Variants in PLCG2 observed in about 807,000 individuals in gnomAD.
The protein encoded by PLCG2 is 1-phosphatidylinositol 4,5-bisphosphate phosphodiesterase gamma-2.
In PLCG2, 69 loss-of-function variants were observed where a neutral mutation model predicts 175.6. The ratio of observed to expected loss-of-function variants is 0.39; its 90% CI spans 0.32 to 0.48. The LOEUF is 0.48. Among genes scored for constraint, PLCG2 ranks in the 20% least tolerant of loss-of-function variants. The pLI is 0.91. For missense variants in PLCG2, 1,798 were observed against 1,650.9 expected (o/e 1.09, Z -1.54); for synonymous variants, 827 against 624.0 (o/e 1.33, Z -4.85).
chr16:81,896,077 A>G (rs1234250207), intron 13 of PLCG2, 150 bp downstream of exon 13: 2 of 1,000,158 alleles, frequency 2.0e-6, no homozygotes, highest in African/African-American at 3.2e-5. Context: ...CACTGCCATC[A>G]AGTTCTCACC....
chr16:81,898,908 G>T (rs1417017118), intron 13 of PLCG2, among the ~76,000 whole-genome samples: 2 of 152,142 alleles, frequency 1.3e-5, no homozygotes, highest in African/African-American at 2.4e-5. Context: ...ATATAGGCTG[G>T]GCACAGTGGC....
rs12325308 is a variant in PLCG2, at chr16:81,927,054, C to T, written c.2418-28C>T. On this transcript the variant is annotated intron_variant, in intron 22 of 32. Transcript: ENST00000564138. The stretch of plus-strand genomic sequence containing the variant: ...GGTAATTCATGCCACCTGGTGACAG[C>T]GCCCCCATGTCCTCTCTTCTTATCC... 0.01 allele frequency: 14,859 copies of T among 1,462,366 alleles called. 1,243 individuals are homozygous for T. The African/African-American group carries it at 0.18, about 18-fold the overall frequency. The allele number at this position is 1,462,366 out of a possible 1,614,324, so 90.6% of individuals were successfully genotyped here.
chr16:81,780,332 C>T (rs765102329), intron 1 of PLCG2, among the ~76,000 whole-genome samples: 2 of 152,168 alleles, frequency 1.3e-5, no homozygotes, highest in Non-Finnish European at 2.9e-5. Context: ...AGAATTGGGG[C>T]TTATTGCTGT....
At chr16:81,749,707 G>C (rs1201557665) in intron 1 of PLCG2, among the ~76,000 whole-genome samples, 1 of 152,178 alleles carries the variant, frequency 6.6e-6, no homozygotes, top group African/African-American at 2.4e-5. Flanking sequence ...AAGCAATGAA[G>C]TATTTGGAGG....
chr16:81,767,136 G>GGTT (rs1273877041), intron 2 of PLCG2, among the ~76,000 whole-genome samples: 11 of 71,726 alleles, frequency 1.5e-4, no homozygotes, highest in African/African-American at 5.9e-4. Flanking sequence ...TAAACTCGTG[G>GGTT]TTTTTTTTTT....
At chr16:81,857,210 G>T (rs772627595) in intron 3 of PLCG2, among the ~76,000 whole-genome samples, 3 of 152,136 alleles carry the variant, frequency 2.0e-5, no homozygotes, top group Non-Finnish European at 4.4e-5. Context: ...CTCTCTTCTG[G>T]TTTAATTACT....
At chr16:81,864,760 G>A (rs117963709) in intron 5 of PLCG2, among the ~76,000 whole-genome samples, 2,623 of 152,236 alleles carry the variant, frequency 0.017, 156 homozygotes, top group East Asian at 0.16. Context: ...AAGTGTCACG[G>A]GGCTGCCATC....
chr16:81,853,592 C>T (rs1442958212), intron 2 of PLCG2, among the ~76,000 whole-genome samples: 2 of 152,174 alleles, frequency 1.3e-5, no homozygotes, highest in African/African-American at 2.4e-5. Context: ...AGGGTTTGCG[C>T]CCCTATGAGA....
chr16:81,825,487 G>T (rs1905010187), intron 2 of PLCG2, among the ~76,000 whole-genome samples: 1 of 151,892 alleles, frequency 6.6e-6, no homozygotes, highest in Non-Finnish European at 1.5e-5. Context: ...TAGAGACAGG[G>T]TTTCACCATG....
chr16:81,802,566 C>A (rs539382875), intron 2 of PLCG2, among the ~76,000 whole-genome samples: 8 of 151,988 alleles, frequency 5.3e-5, no homozygotes, highest in Non-Finnish European at 7.4e-5. Context: ...TGTTTTCTTT[C>A]TTTTTTTGTT....
intron 31 of PLCG2, among the ~76,000 whole-genome samples, chr16:81,949,151 G>A (rs990590664): frequency 6.6e-6 from 1 of 152,172 alleles, no homozygotes; most frequent in Non-Finnish European, 1.5e-5. Context: ...AGGTGGGCTG[G>A]GAGGACAGAT....
chr16:81,943,194 G>C (rs1210577940), intron 30 of PLCG2, among the ~76,000 whole-genome samples: 1 of 152,152 alleles, frequency 6.6e-6, no homozygotes. Flanking sequence ...GTATTAGTCC[G>C]TTCTCACACT....
At chr16:81,954,808 G>A (rs144238446) in intron 31 of PLCG2, among the ~76,000 whole-genome samples, 125 of 152,196 alleles carry the variant, frequency 8.2e-4, no homozygotes, top group African/African-American at 2.6e-3. Context: ...TTACATGTGC[G>A]TGGGTCTTTA....
At chr16:81,792,763 G>A (rs932792402) in intron 2 of PLCG2, among the ~76,000 whole-genome samples, 3 of 151,974 alleles carry the variant, frequency 2.0e-5, no homozygotes, top group East Asian at 1.9e-4. Flanking sequence ...GGAGGTAACC[G>A]GCCCTATGAT....
At chr16:81,827,195 T>TC (rs1905082380) in intron 2 of PLCG2, among the ~76,000 whole-genome samples, 3 of 151,706 alleles carry the variant, frequency 2.0e-5, no homozygotes, top group African/African-American at 4.8e-5. Context: ...GCTGGGTTTT[T>TC]TTTTTTTTGG....
At chr16:81,880,814 G>C (rs1216465596) in intron 7 of PLCG2, 96 bp from the exon 8 acceptor site, 15 of 1,104,416 alleles carry the variant, frequency 1.4e-5, no homozygotes, top group Non-Finnish European at 1.9e-5. Flanking sequence ...TGTTGCATCT[G>C]ACAAAATGAT....
intron 2 of PLCG2, among the ~76,000 whole-genome samples, chr16:81,836,631 C>T (rs1203329444): frequency 6.6e-6 from 1 of 152,168 alleles, no homozygotes; most frequent in Non-Finnish European, 1.5e-5. Flanking sequence ...GTCCCAGCTC[C>T]TTAGGAGACT....
At chr16:81,791,028 T>G (rs1425860516) in intron 2 of PLCG2, among the ~76,000 whole-genome samples, 2 of 152,058 alleles carry the variant, frequency 1.3e-5, no homozygotes, top group African/African-American at 4.8e-5. Flanking sequence ...TAAAATAGGG[T>G]TTTGCTCTGA....
intron 15 of PLCG2, chr16:81,906,295 A>C (rs1366182338): frequency 1.3e-5 from 2 of 152,196 alleles, no homozygotes; most frequent in East Asian, 3.8e-4. Flanking sequence ...GTTCCACCAG[A>C]AACCTTATTT....
Sources: gnomAD v4.1 joint callset for allele counts (sites outside exome capture counted in the v4.1 genomes callset) on GRCh38, gnomAD v4.1.1 for gene constraint, MANE v1.5 for transcripts, NCBI Gene and HGNC (gene_info 2026-07-23, HGNC 2026-07-21) for gene names.